EIF3H: variants seen among roughly 807,000 people sequenced by gnomAD.
EIF3H encodes eIF-3-gamma.
A neutral mutation model predicts 44.2 loss-of-function variants in EIF3H; 26 were observed. The observed-to-expected ratio is 0.59, with a 90% CI of 0.43 to 0.82. The LOEUF is 0.82. EIF3H is among the 40% of genes least tolerant of loss of function. The pLI is 0.00. For synonymous variants in EIF3H, 166 were observed against 151.9 expected (o/e 1.09, Z -0.68); for missense variants, 359 against 432.8 (o/e 0.83, Z 1.51).
intron 5 of EIF3H, among the ~76,000 whole-genome samples, chr8:116,653,716 A>C (rs925564112): frequency 5.3e-5 from 8 of 152,190 alleles, no homozygotes; most frequent in Non-Finnish European, 1.0e-4. Context: ...ATGTGTGAAA[A>C]GCTGAACGCC....
chr8:116,707,435 T>C (rs1814489477), intron 2 of EIF3H, among the ~76,000 whole-genome samples: 1 of 152,154 alleles, frequency 6.6e-6, no homozygotes, highest in African/African-American at 2.4e-5. Context: ...ATACATACTA[T>C]CATCACAGAA....
intron 1 of EIF3H, among the ~76,000 whole-genome samples, chr8:116,749,629 CTTTA>C (rs1166085137): frequency 6.6e-6 from 1 of 152,114 alleles, no homozygotes; most frequent in East Asian, 1.9e-4. Flanking sequence ...CCCATTCTTT[CTTTA>C]TTTTTGTTTT....
intron 2 of EIF3H, among the ~76,000 whole-genome samples, chr8:116,678,263 G>C (rs1326117955): frequency 1.3e-5 from 2 of 152,072 alleles, no homozygotes; most frequent in African/African-American, 2.4e-5. Flanking sequence ...CCGAGGTGCC[G>C]GGATTGCAGA....
At chr8:116,763,822 A>C (rs1375088622) in intron 1 of EIF3H, among the ~76,000 whole-genome samples, 1 of 152,222 alleles carries the variant, frequency 6.6e-6, no homozygotes, top group Admixed American at 6.5e-5. Context: ...AAATTAAACA[A>C]AATTATACTA....
At chr8:116,664,661 T>C (rs1272404168) in intron 2 of EIF3H, among the ~76,000 whole-genome samples, 1 of 152,200 alleles carries the variant, frequency 6.6e-6, no homozygotes, top group Non-Finnish European at 1.5e-5. Context: ...AAATGGAGCT[T>C]ATTCAAACTC....
intron 2 of EIF3H, among the ~76,000 whole-genome samples, chr8:116,703,953 C>T (rs1814426673): frequency 6.6e-6 from 1 of 152,212 alleles, no homozygotes; most frequent in African/African-American, 2.4e-5. Flanking sequence ...AATGCCACAG[C>T]TTTTCTGACA....
intron 1 of EIF3H, among the ~76,000 whole-genome samples, chr8:116,734,087 A>G (rs1586483671): frequency 6.6e-6 from 1 of 152,366 alleles, no homozygotes; most frequent in East Asian, 1.9e-4. Context: ...GAGAGTAAAA[A>G]TGGCAAATTA....
At chr8:116,686,377 C>T (rs956632954) in intron 2 of EIF3H, among the ~76,000 whole-genome samples, 10 of 152,056 alleles carry the variant, frequency 6.6e-5, no homozygotes, top group African/African-American at 2.4e-4. Context: ...ACCTACTTAT[C>T]AGAAAGAATA....
chr8:116,725,264 G>T (rs1374048529), intron 2 of EIF3H, among the ~76,000 whole-genome samples: 1 of 152,212 alleles, frequency 6.6e-6, no homozygotes, highest in African/African-American at 2.4e-5. Flanking sequence ...AATGGTGGTT[G>T]CGGGGATGAA....
Position 116,748,205 on chromosome 8 carries a change from C to T in EIF3H, c.132+7461G>A, listed in dbSNP as rs370926210. Among the ~76,000 whole-genome samples the T allele has an allele frequency of 4.0e-5, 6 of 151,650 alleles. No homozygotes were observed. In the South Asian group the frequency reaches 1.3e-3, roughly 32 times the overall value. The stretch of plus-strand genomic sequence containing the variant: ...ACAAAACAAAATAAAAAACAAAGTA[C>T]TTCCACCAAAATTTTTCCATTAGAT... On this transcript the variant is annotated intron_variant, in intron 1 of 7. Transcript: ENST00000521861.
intron 1 of EIF3H, among the ~76,000 whole-genome samples, chr8:116,761,204 A>G (rs897500704): frequency 1.3e-5 from 2 of 152,202 alleles, no homozygotes; most frequent in Admixed American, 6.5e-5. Flanking sequence ...GCCAATGGAG[A>G]GCACTATTTA....
chr8:116,725,107 AAAG>A (rs1480212721), intron 2 of EIF3H, among the ~76,000 whole-genome samples: 1 of 152,220 alleles, frequency 6.6e-6, no homozygotes, highest in Non-Finnish European at 1.5e-5. Flanking sequence ...CCTTAAGAAA[AAAG>A]AAGAAAATCC....
chr8:116,693,455 G>A (rs987838280), intron 2 of EIF3H, among the ~76,000 whole-genome samples: 1 of 152,146 alleles, frequency 6.6e-6, no homozygotes, highest in Non-Finnish European at 1.5e-5. Context: ...TTGATAAGTA[G>A]AAGTTAAATG....
rs1313889997 is a variant in EIF3H, at chr8:116,680,109, C to T, written c.290-21129G>A. On this transcript the variant is annotated intron_variant, in intron 2 of 7. Coordinates refer to ENST00000521861, the MANE Select transcript of EIF3H (RefSeq NM_003756.3). The stretch of plus-strand genomic sequence containing the variant: ...CAGCCCCCCGCCTGGCCAGCCGCCC[C>T]GTCTGGGAGGTGAGGGGCGCCTCTG... Among the ~76,000 whole-genome samples, 12 of 52,538 alleles carry T rather than the reference C, an allele frequency of 2.3e-4. 2 individuals are homozygous for T. In the South Asian group the frequency reaches 3.9e-3, roughly 17 times the overall value. 34.5% of individuals were successfully genotyped at this position (52,538 alleles called of 152,430 possible).
intron 2 of EIF3H, among the ~76,000 whole-genome samples, chr8:116,680,044 G>T (rs1333759666): frequency 3.4e-5 from 1 of 29,848 alleles, no homozygotes; most frequent in Admixed American, 2.1e-4. Flanking sequence ...GCGGGGGGGG[G>T]GTCGGCCAGC....
chr8:116,657,426 G>A (rs1813509273), intron 3 of EIF3H, 112 bp from the exon 4 acceptor site: 1 of 771,030 alleles, frequency 1.3e-6, no homozygotes, highest in Admixed American at 2.6e-5. Context: ...GCAAAATAAA[G>A]ATCAAAATAA....
intron 2 of EIF3H, among the ~76,000 whole-genome samples, chr8:116,707,485 C>G (rs1304286588): frequency 6.6e-6 from 1 of 152,022 alleles, no homozygotes; most frequent in Non-Finnish European, 1.5e-5. Context: ...GAAGGGAAGG[C>G]AAACAGGAAT....
intron 1 of EIF3H, among the ~76,000 whole-genome samples, chr8:116,735,802 A>G (rs1298113713): frequency 1.3e-5 from 2 of 149,914 alleles, no homozygotes; most frequent in African/African-American, 2.5e-5. Flanking sequence ...GGCATGCAGA[A>G]AAAAAAAAAA....
intron 5 of EIF3H, 132 bp downstream of exon 5, chr8:116,655,724 G>T: frequency 1.1e-6 from 1 of 937,980 alleles, no homozygotes; most frequent in Non-Finnish European, 1.6e-6. Context: ...ATTACTCCAT[G>T]TTATACATGT....
Sources: gnomAD v4.1 joint callset for allele counts (sites outside exome capture counted in the v4.1 genomes callset) on GRCh38, gnomAD v4.1.1 for gene constraint, MANE v1.5 for transcripts, NCBI Gene and HGNC (gene_info 2026-07-23, HGNC 2026-07-21) for gene names.